ZNF215: variants seen among roughly 807,000 people sequenced by gnomAD.
ZNF215 encodes zinc finger protein 215.
ZNF215 carries 24 observed loss-of-function variants against 27.2 expected under a neutral mutation model. That is an observed-to-expected ratio of 0.88 (90% CI 0.64 to 1.24). The LOEUF is 1.24. ZNF215 is among the 50% of genes most tolerant of loss of function. The probability of loss-of-function intolerance (pLI) is 0.00; values close to 1 mark genes in which losing one functional copy is unlikely to be tolerated. For missense variants in ZNF215, 675 were observed against 605.7 expected, an observed-to-expected ratio of 1.11 and a Z score of -1.20; for synonymous variants, 210 against 204.0, an observed-to-expected ratio of 1.03 and a Z score of -0.25.
chr11:6,940,924 GTGAATCAGTGAAAACTT>G (rs1849612773), intron 3 of ZNF215, among the ~76,000 whole-genome samples: 2 of 152,004 alleles, frequency 1.3e-5, no homozygotes, highest in African/African-American at 2.4e-5. Flanking sequence ...TTATTTCACC[GTGAATCAGTGAAAACTT>G]CACAGACCAG....
At chr11:6,950,995 T>A (rs1415092257) in intron 6 of ZNF215, among the ~76,000 whole-genome samples, 1 of 152,162 alleles carries the variant, frequency 6.6e-6, no homozygotes, top group Non-Finnish European at 1.5e-5. Flanking sequence ...GATAATCATG[T>A]GGTTTTTGTC....
intron 2 of ZNF215, among the ~76,000 whole-genome samples, chr11:6,929,754 T>C (rs1849185517): frequency 6.6e-6 from 1 of 152,164 alleles, no homozygotes; most frequent in Non-Finnish European, 1.5e-5. Flanking sequence ...GTCAGGTTTT[T>C]CCACTGTAAA....
chr11:6,987,238 G>A (rs1021191015), downstream of ZNF215, among the ~76,000 whole-genome samples: 3 of 151,970 alleles, frequency 2.0e-5, no homozygotes, highest in African/African-American at 2.4e-5. Flanking sequence ...TGATACAGCC[G>A]GAAACCATTA....
intron 5 of ZNF215, among the ~76,000 whole-genome samples, chr11:6,977,049 C>T (rs758991911): frequency 6.6e-6 from 1 of 151,968 alleles, no homozygotes; most frequent in Non-Finnish European, 1.5e-5. Context: ...GTTGTATCGC[C>T]TTCTCTTCTG....
chr11:6,965,223 CAG>C (rs367880327), intron 5 of ZNF215, among the ~76,000 whole-genome samples: 296 of 152,182 alleles, frequency 1.9e-3, no homozygotes, highest in Non-Finnish European at 3.2e-3. Context: ...ACATGTTATA[CAG>C]AGTTTAAAGT....
At chr11:6,991,831 C>T (rs888543905), downstream of ZNF215, among the ~76,000 whole-genome samples, 1 of 152,148 alleles carries the variant, frequency 6.6e-6, no homozygotes, top group Non-Finnish European at 1.5e-5. Flanking sequence ...CTTACATTGA[C>T]TGGTTAGCCA....
At chr11:6,930,939 C>G (rs1051440014) in intron 2 of ZNF215, among the ~76,000 whole-genome samples, 2 of 152,150 alleles carry the variant, frequency 1.3e-5, no homozygotes, top group Non-Finnish European at 2.9e-5. Flanking sequence ...GAATTATTGA[C>G]GATTTGGACT....
intron 5 of ZNF215, among the ~76,000 whole-genome samples, chr11:6,964,255 A>AT (rs1253870731): frequency 6.6e-6 from 1 of 151,938 alleles, no homozygotes; most frequent in Non-Finnish European, 1.5e-5. Context: ...TTGTCCTTTC[A>AT]TTTTAAACAG....
At chr11:6,984,007 T>A (rs1296941158) in intron 5 of ZNF215, 2 of 293,070 alleles carry the variant, frequency 6.8e-6, no homozygotes, top group Non-Finnish European at 1.3e-5. Flanking sequence ...ATGATAGTAC[T>A]CAGTATTGGT....
chr11:6,991,872 C>T (rs1851120559), downstream of ZNF215, among the ~76,000 whole-genome samples: 1 of 152,184 alleles, frequency 6.6e-6, no homozygotes, highest in African/African-American at 2.4e-5. Flanking sequence ...CAACTAGTTA[C>T]CTGTCAATTT....
intron 6 of ZNF215, among the ~76,000 whole-genome samples, chr11:6,954,633 C>T (rs1322257176): frequency 2.0e-5 from 3 of 152,222 alleles, no homozygotes; most frequent in Non-Finnish European, 4.4e-5. Context: ...CAGGTGCCAT[C>T]TGTCACCCCT....
intron 3 of ZNF215, among the ~76,000 whole-genome samples, chr11:6,935,244 C>T (rs1849391916): frequency 6.6e-6 from 1 of 152,176 alleles, no homozygotes; most frequent in African/African-American, 2.4e-5. Context: ...TTCAGAAAGA[C>T]CTGAGAAAGC....
rs772222777 is a variant in ZNF215 at position 6,972,902 on chromosome 11, A to AT, written c.806-11220dup. Reference sequence around the variant, plus strand: ...TAAAATAGCCCTTAGCATTGAAAGGATTTTTTTAATTTTTTTTATTATACT... The same window carrying AT: ...TAAAATAGCCCTTAGCATTGAAAGGATTTTTTTTAATTTTTTTTATTATACT... On this transcript the variant is annotated intron_variant, in intron 5 of 5. Coordinates refer to the ZNF215 transcript ENST00000529903. Among the ~76,000 whole-genome samples, 32 of 4,900 alleles carry AT rather than the reference A, an allele frequency of 6.5e-3. No homozygotes were observed. The South Asian group carries it at 0.29, about 44-fold the overall frequency. 3.2% of individuals were successfully genotyped at this position (4,900 alleles called of 152,430 possible).
At chr11:6,985,410 A>G (rs1324912790), downstream of ZNF215, among the ~76,000 whole-genome samples, 1 of 152,204 alleles carries the variant, frequency 6.6e-6, no homozygotes, top group African/African-American at 2.4e-5. Context: ...AATTAGAGCC[A>G]TCTATGACAA....
downstream of ZNF215, among the ~76,000 whole-genome samples, chr11:6,985,351 TG>T (rs1851037805): frequency 6.6e-6 from 1 of 152,210 alleles, no homozygotes; most frequent in African/African-American, 2.4e-5. Flanking sequence ...TGTCCCTTCA[TG>T]ATAAAAAGCC....
intron 5 of ZNF215, among the ~76,000 whole-genome samples, chr11:6,975,707 G>A (rs560539730): frequency 2.0e-5 from 3 of 152,062 alleles, no homozygotes; most frequent in Non-Finnish European, 2.9e-5. Flanking sequence ...TGAATATTAC[G>A]CCATTGTATA....
downstream of ZNF215, among the ~76,000 whole-genome samples, chr11:6,989,754 C>G (rs1343384755): frequency 2.0e-5 from 3 of 152,104 alleles, no homozygotes; most frequent in Non-Finnish European, 4.4e-5. Context: ...AGAGTTGGCT[C>G]AATATTGCAA....
In ZNF215 at chr11:6,932,249, A is replaced by G; in HGVS notation, c.-24A>G. 1.2e-6 allele frequency: 2 copies of G among 1,605,576 alleles called. No individual in the cohort carries two copies. The highest frequency in any genetic ancestry group is 8.5e-7 in the Non-Finnish European group (1 of 1,175,846). ...CAATCTAGTAAGGCGGATTTGAACT[A>G]CTGTGGGAGTTCTATTTAGGAAGAT... On this transcript the variant is annotated 5_prime_UTR_variant, in exon 3 of 7. Coordinates refer to ENST00000278319, the MANE Select transcript of ZNF215 (RefSeq NM_013250.4).
chr11:6,977,015 A>C (rs964432517), intron 5 of ZNF215, among the ~76,000 whole-genome samples: 1 of 152,022 alleles, frequency 6.6e-6, no homozygotes, highest in African/African-American at 2.4e-5. Flanking sequence ...TTGTGGCTAC[A>C]TCACTTCAAT....
Sources: allele counts gnomAD v4.1 joint callset (sites outside exome capture counted in the v4.1 genomes callset), GRCh38; gene constraint gnomAD v4.1.1; transcripts MANE v1.5; gene names NCBI Gene and HGNC (gene_info 2026-07-23, HGNC 2026-07-21).